The following ASB3 variants were observed in gnomAD, a reference collection of about 807,000 sequenced individuals.
ASB3 encodes ankyrin repeat and SOCS box protein 3.
A neutral mutation model predicts 54.5 loss-of-function variants in ASB3; 41 were observed. That is an observed-to-expected ratio of 0.75 (90% CI 0.59 to 0.98). The LOEUF (loss-of-function observed/expected upper bound fraction) is 0.98, where lower values mean the gene tolerates loss of function less well. Ranked by LOEUF, ASB3 falls within the 50% of genes least tolerant of loss-of-function variation. The probability of loss-of-function intolerance (pLI) is 0.00; values close to 1 mark genes in which losing one functional copy is unlikely to be tolerated. For missense variants in ASB3, 733 were observed against 620.0 expected, an observed-to-expected ratio of 1.18 and a Z score of -1.94; for synonymous variants, 266 against 221.2, an observed-to-expected ratio of 1.20 and a Z score of -1.80.
At chr2:53,776,969 G>A (rs557697076) in intron 1 of ASB3, among the ~76,000 whole-genome samples, 10 of 152,180 alleles carry the variant, frequency 6.6e-5, no homozygotes, top group African/African-American at 2.4e-4. Flanking sequence ...AAATTTATAT[G>A]ATGAAAATTA....
intron 7 of ASB3, among the ~76,000 whole-genome samples, chr2:53,709,982 T>C (rs1670000298): frequency 1.3e-5 from 2 of 152,230 alleles, no homozygotes. Context: ...CGAGGTTTCC[T>C]GCCAACACCC....
chr2:53,671,284 C>A (rs1424740778), intron 9 of ASB3, among the ~76,000 whole-genome samples: 1 of 151,680 alleles, frequency 6.6e-6, no homozygotes, highest in Non-Finnish European at 1.5e-5. Flanking sequence ...AAAAAAACAA[C>A]TTTCCAAAGT....
At chr2:53,686,203 C>T (rs1026241270) in intron 9 of ASB3, among the ~76,000 whole-genome samples, 1 of 152,154 alleles carries the variant, frequency 6.6e-6, no homozygotes, top group African/African-American at 2.4e-5. Flanking sequence ...TGAGAGCTCT[C>T]GTGATTGGGT....
intron 2 of ASB3, among the ~76,000 whole-genome samples, chr2:53,759,285 CTA>C (rs1353369875): frequency 6.6e-6 from 1 of 152,150 alleles, no homozygotes; most frequent in Non-Finnish European, 1.5e-5. Flanking sequence ...AGGAGGAAGA[CTA>C]TGAATTATTC....
intron 9 of ASB3, among the ~76,000 whole-genome samples, chr2:53,676,628 T>C (rs1376333155): frequency 6.6e-6 from 1 of 152,204 alleles, no homozygotes; most frequent in African/African-American, 2.4e-5. Context: ...TACAGTAGCA[T>C]ACAGTAATGT....
intron 7 of ASB3, among the ~76,000 whole-genome samples, chr2:53,702,740 T>C (rs1440041838): frequency 1.3e-5 from 2 of 152,112 alleles, no homozygotes; most frequent in Non-Finnish European, 2.9e-5. Context: ...TTCAAAACTA[T>C]GCAGAAAAAC....
chr2:53,767,994 C>A, intron 1 of ASB3: 1 of 1,611,448 alleles, frequency 6.2e-7, no homozygotes. Flanking sequence ...GGCAGGGCAG[C>A]ACGGACCACC....
intron 3 of ASB3, among the ~76,000 whole-genome samples, chr2:53,735,082 G>C (rs1267112580): frequency 6.6e-6 from 1 of 151,912 alleles, no homozygotes; most frequent in East Asian, 1.9e-4. Flanking sequence ...TCCATGCCCA[G>C]ATAATTTTTG....
intron 1 of ASB3, chr2:53,774,823 C>T: frequency 4.3e-6 from 1 of 230,806 alleles, no homozygotes; most frequent in Non-Finnish European, 8.3e-6. Context: ...TGATAATCAT[C>T]CTGTTTCACA....
At chr2:53,729,408 G>T (rs759543410) in intron 4 of ASB3, 50 bp downstream of exon 4, 4 of 1,590,256 alleles carry the variant, frequency 2.5e-6, no homozygotes, top group Non-Finnish European at 3.4e-6. Flanking sequence ...ATTTTAAGAG[G>T]GTAAAACACA....
intron 3 of ASB3, among the ~76,000 whole-genome samples, chr2:53,747,265 G>T (rs1418786407): frequency 1.3e-5 from 2 of 152,196 alleles, no homozygotes; most frequent in African/African-American, 4.8e-5. Flanking sequence ...AAAGAATACA[G>T]CTGGGCACAG....
intron 3 of ASB3, among the ~76,000 whole-genome samples, chr2:53,730,638 T>C (rs576952991): frequency 1.9e-4 from 29 of 152,192 alleles, no homozygotes; most frequent in Admixed American, 9.8e-4. Context: ...TCCACAATGG[T>C]TGAATTAATG....
chr2:53,679,837 T>C (rs1237210049), intron 9 of ASB3, among the ~76,000 whole-genome samples: 1 of 152,204 alleles, frequency 6.6e-6, no homozygotes, highest in Admixed American at 6.5e-5. Flanking sequence ...CAGATTATTT[T>C]GTCACCCAGG....
intron 7 of ASB3, among the ~76,000 whole-genome samples, chr2:53,712,276 T>C (rs982590640): frequency 6.6e-6 from 1 of 151,898 alleles, no homozygotes; most frequent in African/African-American, 2.4e-5. Flanking sequence ...GATAGTGAAG[T>C]AAATGCCACT....
intron 5 of ASB3, among the ~76,000 whole-genome samples, chr2:53,724,042 G>A (rs1376206884): frequency 6.6e-6 from 1 of 152,064 alleles, no homozygotes; most frequent in Non-Finnish European, 1.5e-5. Context: ...AAGAATTTAT[G>A]ACTAAGTTCT....
At chr2:53,750,155 G>C (rs1047697299) in intron 3 of ASB3, among the ~76,000 whole-genome samples, 4 of 152,000 alleles carry the variant, frequency 2.6e-5, no homozygotes, top group African/African-American at 9.7e-5. Context: ...ACGCTTCATT[G>C]ACTCAATTTT....
At chr2:53,770,002 C>A (rs1000468676) in intron 1 of ASB3, among the ~76,000 whole-genome samples, 8 of 152,180 alleles carry the variant, frequency 5.3e-5, no homozygotes, top group African/African-American at 1.9e-4. Context: ...AACCAAGAAT[C>A]AAGATTTCAT....
chr2:53,770,485 G>A (rs1160280447), intron 1 of ASB3, among the ~76,000 whole-genome samples: 1 of 138,628 alleles, frequency 7.2e-6, no homozygotes, highest in African/African-American at 2.8e-5. Context: ...GTACTCCGTG[G>A]ACGAAGTTTA....
intron 3 of ASB3, among the ~76,000 whole-genome samples, chr2:53,733,813 G>T (rs1174950877): frequency 6.6e-6 from 1 of 152,172 alleles, no homozygotes; most frequent in African/African-American, 2.4e-5. Context: ...GAAATCAGGG[G>T]TCTCACAGCC....
Sources: gnomAD v4.1 joint callset for allele counts (sites outside exome capture counted in the v4.1 genomes callset) on GRCh38, gnomAD v4.1.1 for gene constraint, MANE v1.5 for transcripts, NCBI Gene and HGNC (gene_info 2026-07-23, HGNC 2026-07-21) for gene names.